TNXB: variants seen among roughly 807,000 people sequenced by gnomAD.
The protein encoded by TNXB is tenascin-X.
A neutral mutation model predicts 340.5 loss-of-function variants in TNXB; 183 were observed. The observed-to-expected ratio is 0.54, with a 90% CI of 0.48 to 0.61. The LOEUF is 0.61. Ranked by LOEUF, TNXB falls within the 20% of genes least tolerant of loss-of-function variation. TNXB has a pLI of 0.00. For synonymous variants in TNXB, 2,121 were observed against 2,314.5 expected (o/e 0.92, Z 2.40); for missense variants, 4,613 against 5,446.4 (o/e 0.85, Z 4.82).
At position 32,107,145 on chromosome 6, in the gene TNXB, A is replaced by C. The variant is rs537371780; in HGVS notation, c.-9+2036T>G. On this transcript the variant is annotated intron_variant, in intron 1 of 43. Coordinates refer to ENST00000644971, the MANE Select transcript of TNXB (RefSeq NM_001365276.2). ...AGGAACAAAGCAGGAGGCCCTTCCC[A>C]GTGGGAAGCAGCGGACACATGGCCT... Among the ~76,000 whole-genome samples, 40 of 152,336 alleles carry C rather than the reference A, an allele frequency of 2.6e-4. 1 individual carries two copies. In the East Asian group the frequency reaches 7.3e-3, roughly 28 times the overall value.
At chr6:32,091,992 G>A (rs1780095342) in intron 4 of TNXB, among the ~76,000 whole-genome samples, 1 of 152,180 alleles carries the variant, frequency 6.6e-6, no homozygotes, top group South Asian at 2.1e-4. Context: ...GACACACCCA[G>A]ACAAGGAATA....
At chr6:32,092,121 A>AG (rs1167614425) in intron 4 of TNXB, among the ~76,000 whole-genome samples, 2 of 152,192 alleles carry the variant, frequency 1.3e-5, no homozygotes, top group Non-Finnish European at 2.9e-5. Context: ...AGGGGGCCTC[A>AG]GGCTGGAGGG....
rs55837898 is a variant in TNXB, at chr6:32,075,980, T to A, written c.4376-2028A>T. ...CAGGCCTCGGGCAGACAGAAATGAGTCAGGCTGGGGAGGGCAGGCATGGAG... is the reference window on the plus strand; with the variant it reads ...CAGGCCTCGGGCAGACAGAAATGAGACAGGCTGGGGAGGGCAGGCATGGAG... On this transcript the variant is annotated intron_variant, in intron 11 of 43. Transcript: ENST00000644971. This position sits in a 1 kb window ranked among gnomAD's most constrained non-coding sequence, Gnocchi z 4.6. Among the ~76,000 whole-genome samples the A allele has an allele frequency of 2.6e-5, 4 of 151,754 alleles. No individual in the cohort carries two copies. Among genetic ancestry groups the A allele is most frequent in the African/African-American group, 7.3e-5 (3 of 41,294 alleles).
intron 24 of TNXB, 60 bp from the exon 25 acceptor site, chr6:32,053,771 A>T: frequency 6.4e-7 from 1 of 1,566,888 alleles, no homozygotes; most frequent in Non-Finnish European, 8.7e-7. Context: ...CATAGAAAGG[A>T]TGTGTCACAA....
chr6:32,059,189 C>T (rs547748581), intron 21 of TNXB, among the ~76,000 whole-genome samples: 4 of 151,548 alleles, frequency 2.6e-5, no homozygotes, highest in Admixed American at 2.0e-4. Context: ...GAGGCCGAGG[C>T]GGGTGGATCA....
In TNXB at chr6:32,049,916, C is replaced by T; in HGVS notation, c.9439+82G>A. On this transcript the variant is annotated intron_variant, in intron 27 of 43. Transcript: ENST00000644971. This position sits in a 1 kb window ranked among gnomAD's most constrained non-coding sequence, Gnocchi z 4.5. ...TCTGTGGTGCTGACCAGACCCCTGT[C>T]CCATTCCCCACCAGTCATCACCAAA... The T allele has an allele frequency of 6.3e-7, 1 of 1,594,236 alleles. No homozygotes were observed. Among genetic ancestry groups the T allele is most frequent in the Non-Finnish European group, 8.6e-7 (1 of 1,166,694 alleles).
Position 32,061,393 on chromosome 6 carries a change from T to C in TNXB, c.7492+4A>G. The C allele has an allele frequency of 6.2e-7, 1 of 1,611,616 alleles. No individual in the cohort carries two copies. The highest frequency in any genetic ancestry group is 8.5e-7 in the Non-Finnish European group (1 of 1,178,922). ...GTTACCCCGAGACTCCAAGCACTAC[T>C]CACCAGTCACGCCCACGGTGGACAC... On this transcript the variant is annotated splice_donor_region_variant and intron_variant, in intron 21 of 43. Transcript: ENST00000644971. This position sits in a 1 kb window ranked among gnomAD's most constrained non-coding sequence, Gnocchi z 4.4.
rs1777775885 is a variant in TNXB at position 32,058,067 on chromosome 6, C to T, written c.7816G>A (p.Gly2606Ser). The T allele has an allele frequency of 1.2e-6, 2 of 1,609,414 alleles. No individual in the cohort carries two copies. Among genetic ancestry groups the T allele is most frequent in the South Asian group, 2.2e-5 (2 of 90,936 alleles). The change falls in exon 22 of 44, where the codon GGC becomes AGC. Residue 2606 changes from glycine (G) to serine (S), a missense_variant. Gly to Ser is a moderately conservative substitution (Grantham distance 56). This residue lies in a region of TNXB where 4,327 missense variants were observed against 4,859.4 expected (regional missense o/e 0.89). Coordinates refer to ENST00000644971, the MANE Select transcript of TNXB (RefSeq NM_001365276.2). The surrounding 1 kb of genome is among the most constrained non-coding windows in gnomAD (Gnocchi z 5.1). ...ACCCACACTCACTCACCTGTGACGC[C>T]CACGGCAGACACCGGGCCCAGGCGC... ...GRRLGPVSAV[G>S]VTEDEAETTQ...
Position 32,067,189 on chromosome 6 carries a change from A to T in TNXB, c.6544+472T>A, listed in dbSNP as rs1279654717. ...AAAGAAAGAAAGAAAGAAAGAAAAC[A>T]TTCTAGTGATTCTAGTGGAGGAAGT... On this transcript the variant is annotated intron_variant, in intron 18 of 43. Transcript: ENST00000644971. This position sits in a 1 kb window ranked among gnomAD's most constrained non-coding sequence, Gnocchi z 4.2. Among the ~76,000 whole-genome samples the T allele has an allele frequency of 6.6e-6, 1 of 152,082 alleles. No homozygotes were observed. The highest frequency in any genetic ancestry group is 1.5e-5 in the Non-Finnish European group (1 of 68,020).
intron 1 of TNXB, among the ~76,000 whole-genome samples, chr6:32,103,112 C>T (rs1167505796): frequency 6.6e-6 from 1 of 151,742 alleles, no homozygotes; most frequent in Non-Finnish European, 1.5e-5. Context: ...AAGACTTTGG[C>T]ATTTTGCTGT....
Position 32,082,297 on chromosome 6 carries a change from G to C in TNXB, c.3475C>G (p.Pro1159Ala). The stretch of plus-strand genomic sequence containing the variant: ...ACCCACAGGTTTCCCAGGTGGGGTG[G>C]AGTCCCTGGACTTGGGTCACTCTGA... ...LPQSDPSPGT[P>A]PHLGNLWVTD... Residue 1159 changes from proline to alanine, a missense_variant, in exon 9 of 44, where the codon CCA (proline) becomes GCA (alanine). Pro to Ala is a conservative substitution (Grantham distance 27). Coordinates refer to ENST00000644971, the MANE Select transcript of TNXB (RefSeq NM_001365276.2). The surrounding 1 kb of genome is among the most constrained non-coding windows in gnomAD (Gnocchi z 5.0). The C allele has an allele frequency of 1.1e-5, 17 of 1,600,564 alleles. No homozygotes were observed. Among genetic ancestry groups the C allele is most frequent in the Non-Finnish European group, 1.5e-5 (17 of 1,172,300 alleles).
rs753380360 is a variant in TNXB at position 32,053,480 on chromosome 6, G to A, written c.8699C>T (p.Ser2900Leu). ...VPGHEDGVTISGLEPDHKYKM... is the reference protein window; with the variant it reads ...VPGHEDGVTILGLEPDHKYKM... Reference sequence around the variant, plus strand: ...GTACTTGTGGTCTGGCTCCAGGCCTGAGATGGTGACCCCGTCCTCGTGCCC... The same window carrying A: ...GTACTTGTGGTCTGGCTCCAGGCCTAAGATGGTGACCCCGTCCTCGTGCCC... Residue 2900 changes from serine (S) to leucine (L), a missense_variant, in exon 25 of 44, where the codon TCA becomes TTA. Coordinates refer to ENST00000644971, the MANE Select transcript of TNXB (RefSeq NM_001365276.2). 3.0e-5 allele frequency: 48 copies of A among 1,613,418 alleles called. 1 individual carries two copies. The South Asian group carries it at 4.8e-4, about 16-fold the overall frequency.
In TNXB at chr6:32,043,316, G is replaced by T. The variant is rs1562772565; in HGVS notation, c.11653C>A (p.Pro3885Thr). Residue 3885 changes from proline (P) to threonine (T), a missense_variant and splice_region_variant, in exon 37 of 44, where the codon CCG (proline) becomes ACG (threonine). Transcript: ENST00000644971. ...YDVQVTAPGAPPLQAETPGSA... is the reference protein window; with the variant it reads ...YDVQVTAPGATPLQAETPGSA... Reference sequence around the variant, plus strand: ...CCTGGGGTCTCCGCCTGCAGAGGCGGGGCTGGGAGTGTAGAGAGGGGCATC... The same window carrying T: ...CCTGGGGTCTCCGCCTGCAGAGGCGTGGCTGGGAGTGTAGAGAGGGGCATC... 2.7e-6 allele frequency: 1 copy of T among 364,692 alleles called. No individual in the cohort carries two copies. Among genetic ancestry groups the T allele is most frequent in the South Asian group, 2.3e-5 (1 of 43,350 alleles). 22.6% of individuals were successfully genotyped at this position (364,692 alleles called of 1,614,324 possible).
chr6:32,062,622 T>G lies in TNXB; in HGVS notation c.6842-139A>C. The stretch of plus-strand genomic sequence containing the variant: ...AGCTTAGAATATCATTTTTCTGCTT[T>G]GAATGTTCAGTTAACACCACACCTG... On this transcript the variant is annotated intron_variant, in intron 19 of 43. Transcript: ENST00000644971. The surrounding 1 kb of genome is among the most constrained non-coding windows in gnomAD (Gnocchi z 4.3). 1 of 878,440 alleles carries G rather than the reference T, an allele frequency of 1.1e-6. No individual in the cohort carries two copies. The highest frequency in any genetic ancestry group is 1.7e-6 in the Non-Finnish European group (1 of 592,726). The allele number at this position is 878,440 out of a possible 1,614,324, so 54.4% of individuals were successfully genotyped here.
At chr6:32,076,818 C>T (rs1332130816) in intron 11 of TNXB, among the ~76,000 whole-genome samples, 1 of 151,946 alleles carries the variant, frequency 6.6e-6, no homozygotes, top group Non-Finnish European at 1.5e-5. Flanking sequence ...CCTGTCTCTA[C>T]TAAAAATACA....
Position 32,086,118 on chromosome 6 carries a change from C to A in TNXB, c.2780G>T (p.Gly927Val). Residue 927 changes from glycine to valine, a missense_variant and splice_region_variant, in exon 7 of 44, where the codon GGG becomes GTG. This residue lies in a region of TNXB where 4,327 missense variants were observed against 4,859.4 expected (regional missense o/e 0.89). Coordinates refer to ENST00000644971, the MANE Select transcript of TNXB (RefSeq NM_001365276.2). ...CCCCAAGAGGCCCAAGGGTGAGGAC[C>A]CTGGGAAGGGGCAGGGTGAGAAAAA... is the stretch of plus-strand genomic sequence containing the variant. Reference protein sequence around the residue: ...SYPASVRANTGSSPLGLLGTT... With the variant: ...SYPASVRANTVSSPLGLLGTT... 1 of 1,508,680 alleles carries A rather than the reference C, an allele frequency of 6.6e-7. No individual in the cohort carries two copies. Among genetic ancestry groups the A allele is most frequent in the South Asian group, 1.3e-5 (1 of 79,360 alleles). The allele number at this position is 1,508,680 out of a possible 1,614,324, so 93.5% of individuals were successfully genotyped here. A position where few individuals can be genotyped will look rare whatever the true frequency, so the allele number is the denominator to read the frequency against.
chr6:32,103,856 C>T (rs1202288292), intron 1 of TNXB, among the ~76,000 whole-genome samples: 3 of 151,778 alleles, frequency 2.0e-5, no homozygotes, highest in African/African-American at 4.8e-5. Context: ...CTCAGCCTCC[C>T]GAGTAGCTGG....
In TNXB at chr6:32,048,555, C is replaced by A; in HGVS notation, c.9853G>T (p.Ala3285Ser). The change falls in exon 29 of 44, where the codon GCC (alanine) becomes TCC (serine). Residue 3285 changes from alanine to serine, a missense_variant. Ala to Ser is a moderately conservative substitution (Grantham distance 99). Coordinates refer to ENST00000644971, the MANE Select transcript of TNXB (RefSeq NM_001365276.2). ...AGGAAGGAGTCAAAGGGGCCCTGGG[C>A]CACCGTCCATGAGAGGCCCACTGAG... ...SDSVGLSWTV[A>S]QGPFDSFLVQ... The A allele has an allele frequency of 6.4e-7, 1 of 1,558,844 alleles. No homozygotes were observed. The highest frequency in any genetic ancestry group is 8.7e-7 in the Non-Finnish European group (1 of 1,149,162).
Position 32,053,448 on chromosome 6 carries a change from T to TGTGGTCA in TNXB, c.8730_8731insTGACCAC (p.Asn2911Ter). 6.2e-7 allele frequency: 1 copy of TGTGGTCA among 1,613,180 alleles called. No homozygotes were observed. Among genetic ancestry groups the TGTGGTCA allele is most frequent in the East Asian group, 2.2e-5 (1 of 44,864 alleles). ...TGGCCACCGTGGAAGCCGTACAGGT[T>TGTGGTCA]CATCTTGTACTTGTGGTCTGGCTCC... On this transcript the variant is annotated stop_gained and frameshift_variant, in exon 25 of 44. Coordinates refer to ENST00000644971, the MANE Select transcript of TNXB (RefSeq NM_001365276.2). LOFTEE classifies it high-confidence loss of function.
Sources: gnomAD v4.1 joint callset for allele counts (sites outside exome capture counted in the v4.1 genomes callset) on GRCh38, gnomAD v4.1.1 for gene constraint, gnomAD v4.1.1 regional missense constraint, Gnocchi (gnomAD v3.1) non-coding constraint, MANE v1.5 for transcripts, NCBI Gene and HGNC (gene_info 2026-07-23, HGNC 2026-07-21) for gene names.